Variants in PTPRT observed in about 807,000 individuals in gnomAD.
PTPRT encodes receptor-type tyrosine-protein phosphatase T.
PTPRT carries 56 observed loss-of-function variants against 176.8 expected under a neutral mutation model. The ratio of observed to expected loss-of-function variants is 0.32; its 90% CI spans 0.26 to 0.40. The LOEUF (loss-of-function observed/expected upper bound fraction) is 0.40. Among genes scored for constraint, PTPRT ranks in the 10% least tolerant of loss-of-function variants. PTPRT has a pLI of 1.00. For missense variants in PTPRT, 1,540 were observed against 1,908.2 expected (o/e 0.81, Z 3.60); for synonymous variants, 783 against 739.0 (o/e 1.06, Z -0.96).
intron 12 of PTPRT, among the ~76,000 whole-genome samples, chr20:42,295,408 C>A (rs143055949): frequency 6.6e-6 from 1 of 152,278 alleles, no homozygotes; most frequent in African/African-American, 2.4e-5. Flanking sequence ...TAGCTTTCAA[C>A]ATTCAAAAAG....
intron 1 of PTPRT, among the ~76,000 whole-genome samples, chr20:42,997,259 G>A (rs1344541264): frequency 6.6e-6 from 1 of 152,236 alleles, no homozygotes; most frequent in East Asian, 1.9e-4. Context: ...ACCTGGTTGT[G>A]ACTGTTAACC....
At chr20:42,564,400 A>G (rs1283921055) in intron 7 of PTPRT, among the ~76,000 whole-genome samples, 1 of 152,236 alleles carries the variant, frequency 6.6e-6, no homozygotes, top group African/African-American at 2.4e-5. Flanking sequence ...TCAACCAATC[A>G]TGGACTGAAA....
intron 1 of PTPRT, among the ~76,000 whole-genome samples, chr20:42,958,737 T>C (rs1981817839): frequency 6.6e-6 from 1 of 152,090 alleles, no homozygotes; most frequent in Admixed American, 6.5e-5. Flanking sequence ...TTAATAATTA[T>C]ACTGGGGAAC....
intron 1 of PTPRT, among the ~76,000 whole-genome samples, chr20:43,019,736 G>A (rs1158034843): frequency 6.6e-6 from 1 of 151,900 alleles, no homozygotes; most frequent in Non-Finnish European, 1.5e-5. Context: ...CCTCAATGCA[G>A]GCAGCACCAT....
At chr20:42,747,674 A>G (rs1354417698) in intron 6 of PTPRT, among the ~76,000 whole-genome samples, 1 of 152,216 alleles carries the variant, frequency 6.6e-6, no homozygotes, top group Non-Finnish European at 1.5e-5. Flanking sequence ...CAAAGCAAGG[A>G]CAGCAAGTGC....
intron 6 of PTPRT, among the ~76,000 whole-genome samples, chr20:42,701,396 AAATGATG>A (rs939748083): frequency 6.6e-6 from 1 of 152,198 alleles, no homozygotes; most frequent in African/African-American, 2.4e-5. Flanking sequence ...TGGGATGCTT[AAATGATG>A]TTACTGAGAA....
intron 1 of PTPRT, among the ~76,000 whole-genome samples, chr20:42,957,284 C>T (rs1242829309): frequency 1.3e-5 from 2 of 152,098 alleles, no homozygotes; most frequent in Non-Finnish European, 2.9e-5. Flanking sequence ...TAATTAGGGG[C>T]CCTCGTAAAC....
chr20:43,120,868 A>G (rs1469606680), intron 1 of PTPRT, among the ~76,000 whole-genome samples: 1 of 152,210 alleles, frequency 6.6e-6, no homozygotes, highest in Non-Finnish European at 1.5e-5. Context: ...AATATATGTA[A>G]ATATACATAC....
intron 11 of PTPRT, among the ~76,000 whole-genome samples, chr20:42,342,232 T>C (rs2058122635): frequency 6.6e-6 from 1 of 152,232 alleles, no homozygotes; most frequent in African/African-American, 2.4e-5. Context: ...TGGGACAACC[T>C]CATGGAGAAG....
chr20:42,591,678 G>A (rs1043890504), intron 7 of PTPRT, among the ~76,000 whole-genome samples: 1 of 152,166 alleles, frequency 6.6e-6, no homozygotes, highest in Non-Finnish European at 1.5e-5. Flanking sequence ...CAAGGCCACA[G>A]AGGCAGCATT....
At chr20:43,025,303 G>A (rs1360463905) in intron 1 of PTPRT, among the ~76,000 whole-genome samples, 1 of 152,236 alleles carries the variant, frequency 6.6e-6, no homozygotes, top group Non-Finnish European at 1.5e-5. Context: ...ACTATGTGAA[G>A]GCAATTTCAA....
At chr20:42,218,272 A>T (rs76593989) in intron 15 of PTPRT, among the ~76,000 whole-genome samples, 4,201 of 152,344 alleles carry the variant, frequency 0.028, 201 homozygotes, top group African/African-American at 0.097. Context: ...CTAGAAAATA[A>T]AAATGTGTCT....
downstream of PTPRT, among the ~76,000 whole-genome samples, chr20:42,068,271 C>T (rs1982162810): frequency 6.6e-6 from 1 of 152,104 alleles, no homozygotes; most frequent in Non-Finnish European, 1.5e-5. Flanking sequence ...CATGGACTTC[C>T]CATATATGAA....
At chr20:43,039,670 G>GA (rs1254555405) in intron 1 of PTPRT, among the ~76,000 whole-genome samples, 16 of 151,966 alleles carry the variant, frequency 1.1e-4, no homozygotes, top group African/African-American at 3.9e-4. Context: ...CACCACCTGA[G>GA]AAAAAAACTA....
At chr20:42,272,719 G>GCA (rs1491165924) in intron 13 of PTPRT, among the ~76,000 whole-genome samples, 2 of 100,456 alleles carry the variant, frequency 2.0e-5, no homozygotes, top group African/African-American at 9.3e-5. Context: ...ACACACGTGC[G>GCA]CGCACACACA....
At chr20:42,536,959 A>G (rs1420751762) in intron 7 of PTPRT, among the ~76,000 whole-genome samples, 2 of 152,180 alleles carry the variant, frequency 1.3e-5, no homozygotes, top group Non-Finnish European at 2.9e-5. Flanking sequence ...CTAAATGTCT[A>G]TTGATGAACT....
the PTPRT span, among the ~76,000 whole-genome samples, chr20:42,065,777 C>T: frequency 6.6e-6 from 1 of 152,162 alleles, no homozygotes; most frequent in Non-Finnish European, 1.5e-5. Flanking sequence ...TCCTTTATGC[C>T]AAGAAGGAGT....
chr20:42,587,128 C>T (rs2073484733), intron 7 of PTPRT, among the ~76,000 whole-genome samples: 1 of 152,308 alleles, frequency 6.6e-6, no homozygotes, highest in African/African-American at 2.4e-5. Context: ...TTGTTTCATC[C>T]AGGGTGGACA....
At chr20:42,720,613 G>A (rs988384653) in intron 6 of PTPRT, among the ~76,000 whole-genome samples, 2 of 152,182 alleles carry the variant, frequency 1.3e-5, no homozygotes, top group Admixed American at 6.5e-5. Context: ...TCTATAAGTC[G>A]TGCTTGCCTC....
Sources: allele counts gnomAD v4.1 joint callset (sites outside exome capture counted in the v4.1 genomes callset), GRCh38; gene constraint gnomAD v4.1.1; transcripts MANE v1.5; gene names NCBI Gene and HGNC (gene_info 2026-07-23, HGNC 2026-07-21).